Variants in GOLGA4 observed in about 807,000 individuals in gnomAD.
GOLGA4 encodes golgin subfamily A member 4.
Under a neutral mutation model 265.9 loss-of-function variants are expected in GOLGA4, and 169 were observed. The ratio of observed to expected loss-of-function variants is 0.64; its 90% CI spans 0.56 to 0.72. GOLGA4 has a LOEUF of 0.72. Among genes scored for constraint, GOLGA4 ranks in the 30% least tolerant of loss-of-function variants. GOLGA4 has a pLI of 0.00. For missense variants in GOLGA4, 2,482 were observed against 2,483.4 expected (o/e 1.00, Z 0.01); for synonymous variants, 923 against 855.8 (o/e 1.08, Z -1.37).
Position 37,327,152 on chromosome 3 carries a change from G to C in GOLGA4, c.5266G>C (p.Gly1756Arg). The change falls in exon 14 of 24, where the codon GGG becomes CGG. Residue 1756 changes from glycine (G) to arginine (R), a missense_variant. Around this residue, in one of 3 missense-constraint regions of GOLGA4, gnomAD observed 942 missense variants for 983.1 expected, o/e 0.96. Transcript: ENST00000361924. ...TEKEKLLQRVGQEKEETVSSH... is the reference protein window; with the variant it reads ...TEKEKLLQRVRQEKEETVSSH... ...AAAAGAAAAGCTATTGCAGAGGGTA[G>C]GGCAGGAAAAAGAAGAGACAGTTTC... The C allele has an allele frequency of 6.2e-7, 1 of 1,613,740 alleles. No individual in the cohort carries two copies. Among genetic ancestry groups the C allele is most frequent in the Non-Finnish European group, 8.5e-7 (1 of 1,179,790 alleles).
chr3:37,321,552 T>C (rs2096954796), intron 12 of GOLGA4, 179 bp from the exon 13 acceptor site: 1 of 557,860 alleles, frequency 1.8e-6, no homozygotes, highest in Non-Finnish European at 3.2e-6. Context: ...ATTACCCCAC[T>C]GGAAAAGCCA....
intron 2 of GOLGA4, among the ~76,000 whole-genome samples, chr3:37,270,989 A>G (rs567873005): frequency 6.6e-6 from 1 of 152,074 alleles, no homozygotes; most frequent in East Asian, 1.9e-4. Context: ...ATCATCAGGC[A>G]TTACATTCTC....
chr3:37,278,204 CT>C (rs1260031511), intron 2 of GOLGA4, among the ~76,000 whole-genome samples: 127 of 142,470 alleles, frequency 8.9e-4, no homozygotes, highest in Admixed American at 7.7e-4. Flanking sequence ...ATTTTCTTTT[CT>C]TTTTTTTTTT....
chr3:37,347,300 TA>T lies in GOLGA4; in HGVS notation c.6576+7del. ...TATGATGGGTCGTGAGACTAAGGTA[TA>T]AATCATGTCTCGTGATTTGGTGTGT... On this transcript the variant is annotated splice_donor_5th_base_variant and intron_variant, in intron 21 of 23. Transcript: ENST00000361924. The T allele has an allele frequency of 6.6e-7, 1 of 1,503,968 alleles. No homozygotes were observed. The highest frequency in any genetic ancestry group is 9.3e-7 in the Non-Finnish European group (1 of 1,080,686). The allele number at this position is 1,503,968 out of a possible 1,614,324, so 93.2% of individuals were successfully genotyped here.
chr3:37,364,195 A>G (rs1406282077), intron 23 of GOLGA4, among the ~76,000 whole-genome samples: 2 of 151,888 alleles, frequency 1.3e-5, no homozygotes, highest in East Asian at 3.9e-4. Flanking sequence ...GGGATTTTAA[A>G]CTCATATCTT....
At chr3:37,299,164 A>G in intron 8 of GOLGA4, 124 bp from the exon 9 acceptor site, 1 of 903,424 alleles carries the variant, frequency 1.1e-6, no homozygotes, top group Non-Finnish European at 1.7e-6. Flanking sequence ...CCAAACCTTG[A>G]GACTTACTGT....
chr3:37,321,473 T>C (rs188135796), intron 12 of GOLGA4: 2 of 335,126 alleles, frequency 6.0e-6, no homozygotes, highest in Admixed American at 4.7e-5. Flanking sequence ...GTAAAACAAG[T>C]AGTGGAAAAA....
rs563511205 is a variant in GOLGA4, at chr3:37,337,073, A to G, written c.6307-70A>G. On this transcript the variant is annotated intron_variant, in intron 17 of 23. Transcript: ENST00000361924. ...ACTTCCTTTTTCCTTATATCTTTATATTGCTTTGTTTTACTGTTTCTTATA... is the reference window on the plus strand; with the variant it reads ...ACTTCCTTTTTCCTTATATCTTTATGTTGCTTTGTTTTACTGTTTCTTATA... 2.6e-4 allele frequency: 258 copies of G among 981,264 alleles called. No homozygotes were observed. The South Asian group carries it at 3.5e-3, about 13-fold the overall frequency. 60.8% of individuals were successfully genotyped at this position (981,264 alleles called of 1,614,324 possible).
intron 9 of GOLGA4, among the ~76,000 whole-genome samples, chr3:37,299,786 A>T (rs906968146): frequency 6.6e-6 from 1 of 152,112 alleles, no homozygotes; most frequent in Admixed American, 6.6e-5. Context: ...ACAGTGGCTC[A>T]TGCCTTTAAT....
intron 2 of GOLGA4, among the ~76,000 whole-genome samples, chr3:37,251,877 C>G (rs182001988): frequency 9.2e-5 from 14 of 152,134 alleles, no homozygotes; most frequent in African/African-American, 3.4e-4. Context: ...AGACGGGGTC[C>G]CACTATGTTG....
intron 10 of GOLGA4, among the ~76,000 whole-genome samples, chr3:37,304,099 T>C (rs1051664920): frequency 2.6e-5 from 4 of 152,192 alleles, no homozygotes. Context: ...AAAAAAAAGT[T>C]ACCTCATGAA....
chr3:37,273,726 A>G (rs1180542960), intron 2 of GOLGA4: 5 of 615,942 alleles, frequency 8.1e-6, no homozygotes, highest in South Asian at 2.0e-5. Context: ...TACAGTATAT[A>G]TGGTAAACAC....
At chr3:37,254,154 A>G (rs924214976) in intron 2 of GOLGA4, among the ~76,000 whole-genome samples, 8 of 152,248 alleles carry the variant, frequency 5.3e-5, no homozygotes, top group Non-Finnish European at 4.4e-5. Context: ...ACTGATTGCA[A>G]AAACATTACA....
Position 37,315,455 on chromosome 3 carries a change from C to CA in GOLGA4, c.1276dup (p.Thr426AsnfsTer14). 1 of 1,613,682 alleles carries CA rather than the reference C, an allele frequency of 6.2e-7. No individual in the cohort carries two copies. Among genetic ancestry groups the CA allele is most frequent in the Non-Finnish European group, 8.5e-7 (1 of 1,179,870 alleles). On this transcript the variant is annotated frameshift_variant, in exon 11 of 24. Coordinates refer to ENST00000361924, the MANE Select transcript of GOLGA4 (RefSeq NM_002078.5). LOFTEE classifies it high-confidence loss of function. ...ACTTGAAAAAGCTTTGAGTACAGCC[C>CA]AAAAAACAGAGGAAGCACGGAGAAA...
At chr3:37,333,794 T>C (rs553704228) in intron 16 of GOLGA4, among the ~76,000 whole-genome samples, 2 of 152,300 alleles carry the variant, frequency 1.3e-5, no homozygotes, top group Admixed American at 6.5e-5. Context: ...TGTACTTATG[T>C]TGAGAAAAGG....
At chr3:37,293,139 G>C (rs1182832876) in intron 5 of GOLGA4, among the ~76,000 whole-genome samples, 1 of 152,192 alleles carries the variant, frequency 6.6e-6, no homozygotes, top group Non-Finnish European at 1.5e-5. Context: ...AAAATTAGAG[G>C]AGGACTTGAG....
chr3:37,252,043 C>A (rs1381152824), intron 2 of GOLGA4, among the ~76,000 whole-genome samples: 4 of 152,130 alleles, frequency 2.6e-5, no homozygotes, highest in African/African-American at 9.7e-5. Flanking sequence ...AACATAGCAT[C>A]ATTTTTTCAA....
At chr3:37,334,225 AC>A (rs1553622938) in intron 16 of GOLGA4, among the ~76,000 whole-genome samples, 1 of 152,208 alleles carries the variant, frequency 6.6e-6, no homozygotes, top group Non-Finnish European at 1.5e-5. Flanking sequence ...ACAAGAGAGG[AC>A]AATTTGTATG....
chr3:37,281,433 A>G (rs1461096239), intron 2 of GOLGA4, among the ~76,000 whole-genome samples: 2 of 152,066 alleles, frequency 1.3e-5, no homozygotes, highest in African/African-American at 4.8e-5. Flanking sequence ...CCCCATCCCA[A>G]TTCCCCTCTT....
Sources: gnomAD v4.1 joint callset for allele counts (sites outside exome capture counted in the v4.1 genomes callset) on GRCh38, gnomAD v4.1.1 for gene constraint, gnomAD v4.1.1 regional missense constraint, MANE v1.5 for transcripts, NCBI Gene and HGNC (gene_info 2026-07-23, HGNC 2026-07-21) for gene names.